The following KHDRBS2 variants were observed in gnomAD, a reference collection of about 807,000 sequenced individuals.
KHDRBS2 encodes KH RNA binding domain containing, signal transduction associated 2, also known as KH domain-containing, RNA-binding, signal transduction-associated protein 2.
KHDRBS2 carries 26 observed loss-of-function variants against 44.3 expected under a neutral mutation model. The observed-to-expected ratio is 0.59, with a 90% CI of 0.43 to 0.81. The LOEUF (loss-of-function observed/expected upper bound fraction) is 0.81. KHDRBS2 is among the 40% of genes least tolerant of loss of function. The pLI, the probability that KHDRBS2 is intolerant of heterozygous loss-of-function variation, is 0.00. For synonymous variants in KHDRBS2, 194 were observed against 151.1 expected (o/e 1.28, Z -2.08); for missense variants, 476 against 433.1 (o/e 1.10, Z -0.88).
Position 61,978,145 on chromosome 6 carries a change from A to T in KHDRBS2, c.404T>A (p.Ile135Asn), listed in dbSNP as rs1268184267. 6.2e-7 allele frequency: 1 copy of T among 1,611,272 alleles called. No homozygotes were observed. The highest frequency in any genetic ancestry group is 1.3e-5 in the African/African-American group (1 of 74,836). The stretch of plus-strand genomic sequence containing the variant: ...TTCCCCAGGTGGAGCAAACACTTCA[A>T]TTAATACATGAAGCTCATCACTCAA... ...AHLSDELHVL[I>N]EVFAPPGEAY... The change falls in exon 4 of 9, where the codon ATT becomes AAT. Residue 135 changes from isoleucine (I) to asparagine (N), a missense_variant. Transcript: ENST00000281156.
At chr6:61,959,234 AG>A (rs1768096928) in intron 4 of KHDRBS2, among the ~76,000 whole-genome samples, 1 of 152,222 alleles carries the variant, frequency 6.6e-6, no homozygotes, top group Admixed American at 6.6e-5. Context: ...TAAAAATATA[AG>A]GGCATACTCT....
intron 2 of KHDRBS2, among the ~76,000 whole-genome samples, chr6:62,161,556 G>A (rs1163294749): frequency 9.0e-6 from 1 of 111,300 alleles, no homozygotes; most frequent in Non-Finnish European, 1.7e-5. Context: ...TTGAGCATCC[G>A]AGAATTTTGG....
intron 3 of KHDRBS2, among the ~76,000 whole-genome samples, chr6:62,045,724 A>G (rs1482096564): frequency 1.3e-5 from 2 of 152,052 alleles, no homozygotes; most frequent in Non-Finnish European, 2.9e-5. Context: ...GTATTTAATA[A>G]TTAGAAAAAA....
At chr6:61,677,768 GCCCAC>G (rs1766026983), downstream of KHDRBS2, among the ~76,000 whole-genome samples, 6 of 151,776 alleles carry the variant, frequency 4.0e-5, no homozygotes, top group Non-Finnish European at 8.8e-5. Flanking sequence ...GCCCCTCAGG[GCCCAC>G]TGGGCTTCTG....
intron 2 of KHDRBS2, among the ~76,000 whole-genome samples, chr6:62,074,979 ATTAG>A (rs545757421): frequency 3.3e-3 from 496 of 152,058 alleles, no homozygotes; most frequent in Non-Finnish European, 5.6e-3. Context: ...TATGATTTTG[ATTAG>A]TTATTCTCTC....
chr6:61,672,281 A>T, the KHDRBS2 span, among the ~76,000 whole-genome samples: 15 of 151,576 alleles, frequency 9.9e-5, no homozygotes, highest in South Asian at 2.1e-4. Flanking sequence ...GTCTTTGCTA[A>T]TGTGAATAAT....
the KHDRBS2 span, among the ~76,000 whole-genome samples, chr6:61,589,582 A>G: frequency 6.6e-6 from 1 of 152,202 alleles, no homozygotes; most frequent in Non-Finnish European, 1.5e-5. Context: ...ACATCACTCA[A>G]ACATATTCAG....
rs149331492 is a variant in KHDRBS2 at position 62,239,505 on chromosome 6, G to A, written c.91+46353C>T. Among the ~76,000 whole-genome samples, 172 of 152,044 alleles carry A rather than the reference G, an allele frequency of 1.1e-3. 1 individual carries two copies. The highest frequency in any genetic ancestry group is 3.6e-3 in the African/African-American group (151 of 41,480). Reference sequence around the variant, plus strand: ...GAAGAATCGCCTGAACCCTGGAGGCGGACGTTGCCGTGAGCCAAGATCACG... The same window carrying A: ...GAAGAATCGCCTGAACCCTGGAGGCAGACGTTGCCGTGAGCCAAGATCACG... On this transcript the variant is annotated intron_variant, in intron 1 of 8. Transcript: ENST00000281156.
At chr6:61,643,998 G>T in the KHDRBS2 span, among the ~76,000 whole-genome samples, 1 of 151,980 alleles carries the variant, frequency 6.6e-6, no homozygotes, top group Admixed American at 6.6e-5. Flanking sequence ...AATAGCCAAG[G>T]CAATCATAAG....
chr6:61,945,370 T>G (rs1181159373), intron 4 of KHDRBS2, among the ~76,000 whole-genome samples: 1 of 151,528 alleles, frequency 6.6e-6, no homozygotes, highest in African/African-American at 2.4e-5. Flanking sequence ...TAATATTTAT[T>G]GTACTAAACA....
At chr6:61,889,451 T>A (rs1801475446) in intron 6 of KHDRBS2, among the ~76,000 whole-genome samples, 1 of 152,216 alleles carries the variant, frequency 6.6e-6, no homozygotes, top group Non-Finnish European at 1.5e-5. Context: ...AGTCGTTCAG[T>A]CTAATCACCT....
At chr6:62,079,736 T>C (rs1414467765) in intron 2 of KHDRBS2, among the ~76,000 whole-genome samples, 2 of 152,076 alleles carry the variant, frequency 1.3e-5, no homozygotes, top group Admixed American at 1.3e-4. Context: ...ATTAATTGTA[T>C]TCCTAATGCC....
At chr6:61,618,897 GTTAT>G in the KHDRBS2 span, among the ~76,000 whole-genome samples, 10 of 152,080 alleles carry the variant, frequency 6.6e-5, no homozygotes, top group Non-Finnish European at 1.2e-4. Context: ...TCTCAAATGC[GTTAT>G]TTATTTATAT....
chr6:61,719,750 C>T (rs1772064556), intron 7 of KHDRBS2, among the ~76,000 whole-genome samples: 1 of 151,790 alleles, frequency 6.6e-6, no homozygotes, highest in African/African-American at 2.4e-5. Flanking sequence ...GTTAAGCTGC[C>T]TCCTATGGAC....
At chr6:61,605,831 C>T in the KHDRBS2 span, among the ~76,000 whole-genome samples, 4 of 152,220 alleles carry the variant, frequency 2.6e-5, no homozygotes, top group African/African-American at 7.2e-5. Flanking sequence ...GAATGTCAGG[C>T]CTCTGAGCCC....
At chr6:61,985,446 CTG>C (rs1196857054) in intron 3 of KHDRBS2, among the ~76,000 whole-genome samples, 1 of 152,136 alleles carries the variant, frequency 6.6e-6, no homozygotes, top group Non-Finnish European at 1.5e-5. Context: ...GAACTACTAA[CTG>C]TGGGAAACTG....
At chr6:62,101,399 G>C (rs1741530179) in intron 2 of KHDRBS2, among the ~76,000 whole-genome samples, 1 of 152,114 alleles carries the variant, frequency 6.6e-6, no homozygotes. Flanking sequence ...GGGTAAAATG[G>C]AGACCTCCAC....
At chr6:61,739,981 A>G (rs755252251) in intron 6 of KHDRBS2, among the ~76,000 whole-genome samples, 1 of 151,958 alleles carries the variant, frequency 6.6e-6, no homozygotes, top group East Asian at 1.9e-4. Flanking sequence ...AATTTACAAA[A>G]TTCCTAAAAA....
chr6:61,828,213 A>G (rs992256780), intron 6 of KHDRBS2, among the ~76,000 whole-genome samples: 3 of 152,202 alleles, frequency 2.0e-5, no homozygotes, highest in African/African-American at 4.8e-5. Context: ...AATGGATTCA[A>G]TGTGACAGTC....
Sources: gnomAD v4.1 joint callset for allele counts (sites outside exome capture counted in the v4.1 genomes callset) on GRCh38, gnomAD v4.1.1 for gene constraint, MANE v1.5 for transcripts, NCBI Gene and HGNC (gene_info 2026-07-23, HGNC 2026-07-21) for gene names.